Variants in PLEKHG1 observed in about 807,000 individuals in gnomAD.
The protein encoded by PLEKHG1 is pleckstrin homology and RhoGEF domain containing G1.
In PLEKHG1, 44 loss-of-function variants were observed where a neutral mutation model predicts 100.8. The ratio of observed to expected loss-of-function variants is 0.44; its 90% CI spans 0.34 to 0.56. The LOEUF (loss-of-function observed/expected upper bound fraction) is 0.56. Among genes scored for constraint, PLEKHG1 ranks in the 20% least tolerant of loss-of-function variants. The probability of loss-of-function intolerance (pLI) is 0.01; values close to 1 mark genes in which losing one functional copy is unlikely to be tolerated. For missense variants in PLEKHG1, 1,545 were observed against 1,720.9 expected (o/e 0.90, Z 1.81); for synonymous variants, 640 against 662.5 (o/e 0.97, Z 0.52).
chr6:150,734,677 T>C (rs1782471418), intron 2 of PLEKHG1, among the ~76,000 whole-genome samples: 1 of 152,226 alleles, frequency 6.6e-6, no homozygotes, highest in Non-Finnish European at 1.5e-5. Context: ...GGGGAAAGGA[T>C]TGAAAGGTAG....
At chr6:150,603,182 A>G (rs1776440232) in intron 1 of PLEKHG1, among the ~76,000 whole-genome samples, 1 of 151,996 alleles carries the variant, frequency 6.6e-6, no homozygotes, top group African/African-American at 2.4e-5. Flanking sequence ...TGGTGTATTC[A>G]GGCAGGGATG....
chr6:150,638,838 G>T (rs971037313), intron 2 of PLEKHG1, among the ~76,000 whole-genome samples: 1 of 152,212 alleles, frequency 6.6e-6, no homozygotes, highest in Non-Finnish European at 1.5e-5. Flanking sequence ...GCAGGGAATA[G>T]AATTATATAA....
At chr6:150,599,988 G>A in exon 1 of PLEKHG1, 2 of 234,746 alleles carry the variant, frequency 8.5e-6, no homozygotes, top group Non-Finnish European at 1.8e-5. Flanking sequence ...TGCGAGCGCC[G>A]CCCGGGCATG....
intron 2 of PLEKHG1, among the ~76,000 whole-genome samples, chr6:150,649,693 A>T (rs1778637776): frequency 6.6e-6 from 1 of 152,102 alleles, no homozygotes; most frequent in African/African-American, 2.4e-5. Flanking sequence ...CCTGGCCAAC[A>T]TGGTGAAACC....
intron 2 of PLEKHG1, among the ~76,000 whole-genome samples, chr6:150,735,844 T>C (rs1416810134): frequency 6.6e-6 from 1 of 152,202 alleles, no homozygotes; most frequent in Non-Finnish European, 1.5e-5. Flanking sequence ...TCCATTAACA[T>C]TTATTTTTTC....
In PLEKHG1 at chr6:150,776,148, GT is replaced by G. The variant is rs533504763; in HGVS notation, c.512+7413del. On this transcript the variant is annotated intron_variant, in intron 3 of 15. Transcript: ENST00000358517. ...GATATGTTCTGTAAAAGAGAACAGT[GT>G]TTCCTCTCATTTCCCACCCAACTAA... is the stretch of plus-strand genomic sequence containing the variant. Among the ~76,000 whole-genome samples, 4 of 152,292 alleles carry G rather than the reference GT, an allele frequency of 2.6e-5. No individual in the cohort carries two copies. In the South Asian group the frequency reaches 8.3e-4, roughly 32 times the overall value.
At chr6:150,720,355 T>C (rs1562459679), upstream of PLEKHG1, among the ~76,000 whole-genome samples, 1 of 152,194 alleles carries the variant, frequency 6.6e-6, no homozygotes, top group East Asian at 1.9e-4. Flanking sequence ...CTTACTAAAG[T>C]ATTGTATGAA....
intron 13 of PLEKHG1, among the ~76,000 whole-genome samples, 177 bp downstream of exon 14, chr6:150,821,410 A>G (rs1290121350): frequency 6.6e-6 from 1 of 152,186 alleles, no homozygotes; most frequent in East Asian, 1.9e-4. Flanking sequence ...AAAGCCAGGC[A>G]CAGTAGCTCA....
In PLEKHG1 at chr6:150,779,344, G is replaced by GTTTGTTTTTTTTTTTTTTTTTTTTT. The variant is rs1257363893; in HGVS notation, c.513-7043_513-7042insGTTTTTTTTTTTTTTTTTTTTTTTT. On this transcript the variant is annotated intron_variant, in intron 3 of 15. Transcript: ENST00000358517. ...ACAGGGGGTTAAATATTGTCAAGAA[G>GTTTGTTTTTTTTTTTTTTTTTTTTT]TTTTTTTTTTTTTTTTTTTGAGACA... is the stretch of plus-strand genomic sequence containing the variant. 1.9e-5 allele frequency among the ~76,000 whole-genome samples: 2 copies of GTTTGTTTTTTTTTTTTTTTTTTTTT among 104,536 alleles called. 1 individual carries two copies. Among genetic ancestry groups the GTTTGTTTTTTTTTTTTTTTTTTTTT allele is most frequent in the Non-Finnish European group, 3.6e-5 (2 of 54,814 alleles). The allele number at this position is 104,536 out of a possible 152,430, so 68.6% of individuals were successfully genotyped here.
intron 4 of PLEKHG1, among the ~76,000 whole-genome samples, chr6:150,795,035 G>T (rs1353157668): frequency 6.6e-6 from 1 of 151,282 alleles, no homozygotes; most frequent in Non-Finnish European, 1.5e-5. Context: ...AAAAGTAAAA[G>T]TTAAAAAAAA....
intron 2 of PLEKHG1, among the ~76,000 whole-genome samples, chr6:150,739,364 TA>T (rs914625700): frequency 1.3e-5 from 2 of 151,276 alleles, no homozygotes; most frequent in Admixed American, 1.3e-4. Context: ...AAGTGTATTT[TA>T]AAAAAAAAGC....
chr6:150,822,717 C>T (rs1032696848), intron 13 of PLEKHG1, among the ~76,000 whole-genome samples: 39 of 152,182 alleles, frequency 2.6e-4, no homozygotes, highest in African/African-American at 9.2e-4. Flanking sequence ...TGGTGGCTCA[C>T]GCCTGTAATA....
chr6:150,798,303 C>T (rs1165815002), intron 5 of PLEKHG1, among the ~76,000 whole-genome samples: 1 of 152,128 alleles, frequency 6.6e-6, no homozygotes, highest in Non-Finnish European at 1.5e-5. Flanking sequence ...TTATGAGAAT[C>T]TAAAATGATA....
chr6:150,694,176 G>T (rs899801664), intron 3 of PLEKHG1, among the ~76,000 whole-genome samples: 2 of 152,178 alleles, frequency 1.3e-5, no homozygotes, highest in Non-Finnish European at 2.9e-5. Context: ...CCCTGTCCTG[G>T]CATGCAGGAC....
Position 150,644,334 on chromosome 6 carries a change from GTTT to G in PLEKHG1, c.-158+6225_-158+6227del, listed in dbSNP as rs57840463. On this transcript the variant is annotated intron_variant, in intron 2 of 3. Transcript: ENST00000367326. ...AAGAGAGTGGTTTTTTTCTTTTCGT[GTTT>G]TTTTTTTTTTTTTTTGTTACAGAGT... 1.1e-3 allele frequency among the ~76,000 whole-genome samples: 129 copies of G among 117,592 alleles called. 2 individuals carry two copies. The highest frequency in any genetic ancestry group is 4.1e-3 in the African/African-American group (118 of 28,626). The allele number at this position is 117,592 out of a possible 152,430, so 77.1% of individuals were successfully genotyped here.
intron 11 of PLEKHG1, among the ~76,000 whole-genome samples, 155 bp from the exon 13 acceptor site, chr6:150,819,524 C>T (rs1776179470): frequency 6.6e-6 from 1 of 151,958 alleles, no homozygotes; most frequent in South Asian, 2.1e-4. Context: ...CGAGATCATG[C>T]CACCGCACTT....
chr6:150,739,532 G>A (rs568457178), intron 2 of PLEKHG1, among the ~76,000 whole-genome samples: 1 of 152,136 alleles, frequency 6.6e-6, no homozygotes, highest in South Asian at 2.1e-4. Context: ...GCTGGGTATG[G>A]TGGTGCATGC....
chr6:150,832,085 C>T lies in PLEKHG1; in HGVS notation c.2974C>T (p.Gln992Ter), dbSNP rs756684733. ...CAGTCAGAAGATTAAGAAGGCGAAT[C>T]AACTTTTAAAAGTGAAAAGTCTGGA... The change falls in exon 15 of 16, where the codon CAA becomes TAA. Residue 992 changes from glutamine (Q) to a stop codon, truncating the protein, a stop_gained. Transcript: ENST00000358517. LOFTEE classifies it high-confidence loss of function. 6.2e-7 allele frequency: 1 copy of T among 1,613,976 alleles called. No homozygotes were observed. The highest frequency in any genetic ancestry group is 8.5e-7 in the Non-Finnish European group (1 of 1,179,994).
chr6:150,757,040 G>A (rs918460525), intron 2 of PLEKHG1, among the ~76,000 whole-genome samples: 2 of 152,066 alleles, frequency 1.3e-5, no homozygotes, highest in Non-Finnish European at 2.9e-5. Context: ...ATGGAGTCTC[G>A]CTCTGTCACC....
Sources: allele counts gnomAD v4.1 joint callset (sites outside exome capture counted in the v4.1 genomes callset), GRCh38; gene constraint gnomAD v4.1.1; transcripts MANE v1.5; gene names NCBI Gene and HGNC (gene_info 2026-07-23, HGNC 2026-07-21).